SND1: variants seen among roughly 807,000 people sequenced by gnomAD.
SND1 encodes staphylococcal nuclease and tudor domain containing 1, also known as staphylococcal nuclease domain-containing protein 1.
Under a neutral mutation model 121.7 loss-of-function variants are expected in SND1, and 38 were observed. The observed-to-expected ratio is 0.31, with a 90% CI of 0.24 to 0.41. The LOEUF is 0.41. SND1 is among the 10% of genes least tolerant of loss of function. The pLI is 1.00. For synonymous variants in SND1, 401 were observed against 447.4 expected (o/e 0.90, Z 1.31); for missense variants, 868 against 1,184.6 (o/e 0.73, Z 3.92).
At chr7:127,765,296 T>TA (rs1188035064) in intron 10 of SND1, among the ~76,000 whole-genome samples, 7 of 152,032 alleles carry the variant, frequency 4.6e-5, no homozygotes, top group South Asian at 2.1e-4. Context: ...GATTTGCATT[T>TA]AAAAAAAATG....
intron 3 of SND1, among the ~76,000 whole-genome samples, chr7:127,697,051 C>G (rs975482041): frequency 2.0e-5 from 3 of 152,132 alleles, no homozygotes; most frequent in Admixed American, 1.3e-4. Context: ...TATTGCTACC[C>G]ACTTTTTTTT....
At chr7:127,673,311 C>T (rs1795558550) in intron 1 of SND1, among the ~76,000 whole-genome samples, 2 of 150,512 alleles carry the variant, frequency 1.3e-5, no homozygotes, top group Non-Finnish European at 3.0e-5. Context: ...GTACAAATAT[C>T]TTATTTATTT....
chr7:127,745,400 C>T (rs545318101), intron 10 of SND1, among the ~76,000 whole-genome samples: 2 of 152,130 alleles, frequency 1.3e-5, no homozygotes, highest in South Asian at 2.1e-4. Context: ...CATTATGTGA[C>T]GCATGACTAC....
At chr7:127,876,095 T>C (rs868828999) in intron 12 of SND1, among the ~76,000 whole-genome samples, 1 of 152,136 alleles carries the variant, frequency 6.6e-6, no homozygotes, top group South Asian at 2.1e-4. Flanking sequence ...CCCTAACCAT[T>C]TCCTTTTCCT....
At chr7:127,744,133 G>A (rs1339245627) in intron 10 of SND1, among the ~76,000 whole-genome samples, 1 of 152,098 alleles carries the variant, frequency 6.6e-6, no homozygotes, top group African/African-American at 2.4e-5. Flanking sequence ...ATTTAGCAAA[G>A]CGATCATGAA....
chr7:127,908,610 C>T (rs758731154), intron 14 of SND1, among the ~76,000 whole-genome samples: 1 of 152,054 alleles, frequency 6.6e-6, no homozygotes, highest in Non-Finnish European at 1.5e-5. Flanking sequence ...AGAATTTGAC[C>T]GACTTGGTAC....
At chr7:127,998,022 A>G (rs947904175) in intron 16 of SND1, 1 of 523,106 alleles carries the variant, frequency 1.9e-6, no homozygotes, top group Admixed American at 1.9e-5. Context: ...GTCTCTCCCC[A>G]CTAGCTTGTA....
chr7:127,861,564 T>TCC (rs1799380524), intron 12 of SND1, among the ~76,000 whole-genome samples: 1 of 152,252 alleles, frequency 6.6e-6, no homozygotes, highest in East Asian at 1.9e-4. Flanking sequence ...AACCTCCGAC[T>TCC]CCCAGGTTTA....
rs1201967684 is a variant in SND1, at chr7:127,811,555, C to T, written c.1242+3982C>T. On this transcript the variant is annotated intron_variant, in intron 11 of 23. Transcript: ENST00000354725. ...TCTGAATGATTCCTCCTTTCCAGTG[C>T]ACGGCGCCTACCTTGCTTATATCTC... Among the ~76,000 whole-genome samples the T allele has an allele frequency of 4.6e-5, 7 of 152,126 alleles. No individual in the cohort carries two copies. In the East Asian group the frequency reaches 1.4e-3, roughly 29 times the overall value.
intron 14 of SND1, among the ~76,000 whole-genome samples, chr7:127,912,353 G>A (rs1016528486): frequency 6.6e-6 from 1 of 152,016 alleles, no homozygotes; most frequent in Admixed American, 6.6e-5. Context: ...TTTTGACTGA[G>A]TTGTGTTGTT....
intron 16 of SND1, among the ~76,000 whole-genome samples, chr7:128,073,397 T>C (rs1793447826): frequency 6.6e-6 from 1 of 152,176 alleles, no homozygotes; most frequent in Non-Finnish European, 1.5e-5. Flanking sequence ...GCAGAGGGTA[T>C]TCAAGGATGG....
At chr7:128,017,693 G>A (rs186564347) in intron 16 of SND1, among the ~76,000 whole-genome samples, 1 of 152,188 alleles carries the variant, frequency 6.6e-6, no homozygotes, top group African/African-American at 2.4e-5. Context: ...ACTCGGGGAG[G>A]GGGGGCAAAC....
intron 15 of SND1, among the ~76,000 whole-genome samples, chr7:127,931,706 G>A (rs1356275539): frequency 1.3e-5 from 2 of 152,180 alleles, no homozygotes; most frequent in African/African-American, 4.8e-5. Flanking sequence ...AAGACCTTAT[G>A]CAGCTGGTGA....
At chr7:127,742,273 A>G (rs1796894981) in intron 10 of SND1, among the ~76,000 whole-genome samples, 1 of 152,142 alleles carries the variant, frequency 6.6e-6, no homozygotes, top group Non-Finnish European at 1.5e-5. Context: ...ATTGCATCAA[A>G]TTAAAGGGTA....
At chr7:127,969,902 C>T (rs978087525) in intron 15 of SND1, among the ~76,000 whole-genome samples, 1 of 152,188 alleles carries the variant, frequency 6.6e-6, no homozygotes, top group African/African-American at 2.4e-5. Context: ...CTTGCTTAAC[C>T]TATCTTTGCC....
chr7:127,896,066 G>T (rs554671304), intron 13 of SND1, among the ~76,000 whole-genome samples: 24 of 152,032 alleles, frequency 1.6e-4, no homozygotes, highest in Non-Finnish European at 3.2e-4. Flanking sequence ...GTCCTCCTTG[G>T]CTCTGTTCTG....
At chr7:127,988,567 T>C (rs1802449125) in intron 15 of SND1, among the ~76,000 whole-genome samples, 9 of 152,226 alleles carry the variant, frequency 5.9e-5, no homozygotes, top group Admixed American at 5.9e-4. Flanking sequence ...GCCATCATGT[T>C]TTCTCAATTT....
chr7:128,070,765 G>A (rs1427270740), intron 16 of SND1, among the ~76,000 whole-genome samples: 4 of 152,138 alleles, frequency 2.6e-5, no homozygotes, highest in Non-Finnish European at 4.4e-5. Flanking sequence ...TTAACTCTAT[G>A]TGTCTATACA....
At chr7:127,785,773 T>G (rs1455825389) in intron 10 of SND1, among the ~76,000 whole-genome samples, 1 of 152,216 alleles carries the variant, frequency 6.6e-6, no homozygotes. Flanking sequence ...GCTGACAGGA[T>G]AGTGTTTAAG....
Sources: allele counts gnomAD v4.1 joint callset (sites outside exome capture counted in the v4.1 genomes callset), GRCh38; gene constraint gnomAD v4.1.1; transcripts MANE v1.5; gene names NCBI Gene and HGNC (gene_info 2026-07-23, HGNC 2026-07-21).